SYT1: variants seen among roughly 807,000 people sequenced by gnomAD.
The protein encoded by SYT1 is synaptotagmin-1.
In SYT1, 8 loss-of-function variants were observed where a neutral mutation model predicts 44.8. That is an observed-to-expected ratio of 0.18 (90% CI 0.10 to 0.32). SYT1 has a LOEUF of 0.32. Among genes scored for constraint, SYT1 ranks in the 10% least tolerant of loss-of-function variants. The pLI, the probability that SYT1 is intolerant of heterozygous loss-of-function variation, is 1.00. For synonymous variants in SYT1, 154 were observed against 188.8 expected (o/e 0.82, Z 1.51); for missense variants, 286 against 509.3 (o/e 0.56, Z 4.22).
At chr12:79,251,638 C>T (rs935898216) in intron 4 of SYT1, among the ~76,000 whole-genome samples, 2 of 152,166 alleles carry the variant, frequency 1.3e-5, no homozygotes, top group African/African-American at 4.8e-5. Context: ...AGAAGTTCAG[C>T]ACTCACCAAG....
intron 4 of SYT1, among the ~76,000 whole-genome samples, chr12:79,268,725 TATTCTTAAGGAGACA>T (rs1366189943): frequency 1.3e-5 from 2 of 152,204 alleles, no homozygotes; most frequent in Non-Finnish European, 2.9e-5. Flanking sequence ...ATGTGACATG[TATTCTTAAGGAGACA>T]ATTCTGAAGG....
chr12:78,866,085 T>C (rs554687743), intron 1 of SYT1, among the ~76,000 whole-genome samples: 1 of 152,238 alleles, frequency 6.6e-6, no homozygotes, highest in Non-Finnish European at 1.5e-5. Flanking sequence ...TCTAGTTAGC[T>C]TTGTGTACAT....
intron 2 of SYT1, among the ~76,000 whole-genome samples, chr12:79,038,881 C>A (rs1336178047): frequency 6.6e-6 from 1 of 151,890 alleles, no homozygotes; most frequent in Non-Finnish European, 1.5e-5. Context: ...ATATTCTCCT[C>A]AAAAGAAATG....
chr12:79,288,018 G>C (rs1337605192), intron 5 of SYT1, among the ~76,000 whole-genome samples: 1 of 152,074 alleles, frequency 6.6e-6, no homozygotes, highest in Non-Finnish European at 1.5e-5. Flanking sequence ...CTCAATTTTT[G>C]TAAGTTATGA....
At chr12:78,892,075 A>G (rs1444323274) in intron 1 of SYT1, among the ~76,000 whole-genome samples, 3 of 151,898 alleles carry the variant, frequency 2.0e-5, no homozygotes, top group South Asian at 2.1e-4. Flanking sequence ...GGGTCAAGTT[A>G]TGTCTGGTTT....
At chr12:79,027,076 A>G (rs960129219) in intron 2 of SYT1, among the ~76,000 whole-genome samples, 1 of 151,518 alleles carries the variant, frequency 6.6e-6, no homozygotes, top group Admixed American at 6.6e-5. Context: ...TATTAAGAGG[A>G]CTGAGGTTCT....
chr12:79,397,043 G>C (rs1175347316), intron 9 of SYT1, among the ~76,000 whole-genome samples: 1 of 152,162 alleles, frequency 6.6e-6, no homozygotes, highest in Non-Finnish European at 1.5e-5. Flanking sequence ...CCTGAGATGG[G>C]AAGAAACTTT....
At chr12:79,064,922 TAGAGAGAAAGAAAGAAAGAAAGAA>T (rs1875661710) in intron 3 of SYT1, among the ~76,000 whole-genome samples, 1 of 72,462 alleles carries the variant, frequency 1.4e-5, no homozygotes, top group East Asian at 4.0e-4. Context: ...GACAAAAAAA[TAGAGAGAAAGAAAGAAAGAAAGAA>T]AGAAAGAAAG....
intron 1 of SYT1, among the ~76,000 whole-genome samples, chr12:78,920,683 C>T (rs1211155981): frequency 1.3e-5 from 2 of 151,916 alleles, no homozygotes; most frequent in Non-Finnish European, 2.9e-5. Flanking sequence ...TAAGTCTCAA[C>T]CGGCAATTCA....
intron 9 of SYT1, among the ~76,000 whole-genome samples, chr12:79,401,674 T>C (rs1885072398): frequency 1.3e-5 from 2 of 151,610 alleles, no homozygotes; most frequent in African/African-American, 4.8e-5. Flanking sequence ...TCAAACTTTT[T>C]TTTTTTTTTT....
intron 1 of SYT1, among the ~76,000 whole-genome samples, chr12:78,906,798 G>A (rs969093125): frequency 1.3e-5 from 2 of 151,996 alleles, no homozygotes; most frequent in Admixed American, 6.6e-5. Flanking sequence ...GGTATCCCTA[G>A]GCCGTATTGA....
At chr12:78,871,266 T>C (rs1303204756) in intron 1 of SYT1, among the ~76,000 whole-genome samples, 2 of 152,022 alleles carry the variant, frequency 1.3e-5, no homozygotes, top group African/African-American at 4.8e-5. Flanking sequence ...TTAGGATAGA[T>C]TATTAATAAT....
chr12:78,882,977 G>C (rs1874538967), intron 1 of SYT1, among the ~76,000 whole-genome samples: 2 of 151,524 alleles, frequency 1.3e-5, no homozygotes, highest in Admixed American at 1.3e-4. Context: ...AAAAAGTGCA[G>C]TGAAAAATAA....
intron 2 of SYT1, among the ~76,000 whole-genome samples, chr12:79,041,536 G>A (rs1295670097): frequency 6.6e-6 from 1 of 152,032 alleles, no homozygotes; most frequent in Admixed American, 6.6e-5. Context: ...TGAGACAATG[G>A]GGTTTTCTTG....
intron 1 of SYT1, among the ~76,000 whole-genome samples, chr12:78,950,735 T>C (rs922600669): frequency 6.6e-5 from 10 of 152,128 alleles, no homozygotes; most frequent in African/African-American, 2.4e-4. Flanking sequence ...ATCATGCTTT[T>C]TTAATCAGAT....
At chr12:79,124,996 T>C (rs935322060) in intron 3 of SYT1, among the ~76,000 whole-genome samples, 8 of 152,142 alleles carry the variant, frequency 5.3e-5, no homozygotes, top group Non-Finnish European at 8.8e-5. Flanking sequence ...ATTTTTTTTT[T>C]CCATTCTCTG....
At chr12:79,433,366 T>C (rs1463748950) in intron 9 of SYT1, among the ~76,000 whole-genome samples, 1 of 152,204 alleles carries the variant, frequency 6.6e-6, no homozygotes, top group Non-Finnish European at 1.5e-5. Flanking sequence ...GGACTCTCTC[T>C]ATGTGGATAA....
chr12:79,194,730 G>GTA (rs1565849316), intron 3 of SYT1, among the ~76,000 whole-genome samples: 1 of 151,870 alleles, frequency 6.6e-6, no homozygotes, highest in African/African-American at 2.4e-5. Context: ...GTGTGTGTGT[G>GTA]TTTAAATGCC....
At chr12:79,156,282 G>A (rs578044544) in intron 3 of SYT1, among the ~76,000 whole-genome samples, 1 of 152,160 alleles carries the variant, frequency 6.6e-6, no homozygotes, top group Non-Finnish European at 1.5e-5. Flanking sequence ...TTTAATCAGG[G>A]AAGCTCACTG....
Sources: gnomAD v4.1 joint callset for allele counts (sites outside exome capture counted in the v4.1 genomes callset) on GRCh38, gnomAD v4.1.1 for gene constraint, MANE v1.5 for transcripts, NCBI Gene and HGNC (gene_info 2026-07-23, HGNC 2026-07-21) for gene names.